Variants in KHDRBS2 observed in about 807,000 individuals in gnomAD.
KHDRBS2 encodes the protein KH RNA binding domain containing, signal transduction associated 2, also known as KH domain-containing, RNA-binding, signal transduction-associated protein 2.
Under a neutral mutation model 44.3 loss-of-function variants are expected in KHDRBS2, and 26 were observed. That is an observed-to-expected ratio of 0.59 (90% confidence interval 0.43 to 0.81). The LOEUF is 0.81. KHDRBS2 is among the 40% of genes least tolerant of loss of function. KHDRBS2 has a pLI of 0.00. For synonymous variants in KHDRBS2, 194 were observed against 151.1 expected, an observed-to-expected ratio of 1.28 and a Z score of -2.08; for missense variants, 476 against 433.1, an observed-to-expected ratio of 1.10 and a Z score of -0.88.
At chr6:61,631,134 T>A in the KHDRBS2 span, among the ~76,000 whole-genome samples, 1 of 151,924 alleles carries the variant, frequency 6.6e-6, no homozygotes, top group Non-Finnish European at 1.5e-5. Flanking sequence ...GTTTTTGGCA[T>A]CAGGATCAGC....
the KHDRBS2 span, among the ~76,000 whole-genome samples, chr6:61,583,196 A>G: frequency 6.6e-6 from 1 of 151,814 alleles, no homozygotes; most frequent in South Asian, 2.1e-4. Context: ...CCACTGGTTA[A>G]TTTTACTTAT....
intron 2 of KHDRBS2, among the ~76,000 whole-genome samples, chr6:62,057,363 A>T (rs1416233032): frequency 6.6e-6 from 1 of 152,086 alleles, no homozygotes; most frequent in East Asian, 1.9e-4. Flanking sequence ...AGAAAAAAAA[A>T]GTAATCACTA....
chr6:62,266,356 T>A (rs1839198935), intron 1 of KHDRBS2, among the ~76,000 whole-genome samples: 1 of 151,996 alleles, frequency 6.6e-6, no homozygotes, highest in Non-Finnish European at 1.5e-5. Context: ...TGCCCCTACA[T>A]GACAAGCATG....
At chr6:61,590,116 T>A in the KHDRBS2 span, among the ~76,000 whole-genome samples, 1 of 152,142 alleles carries the variant, frequency 6.6e-6, no homozygotes, top group Non-Finnish European at 1.5e-5. Flanking sequence ...TTAATATGTG[T>A]TTTTGCCCAT....
chr6:62,174,511 AT>A (rs955222609), intron 2 of KHDRBS2, among the ~76,000 whole-genome samples: 1 of 151,782 alleles, frequency 6.6e-6, no homozygotes, highest in Non-Finnish European at 1.5e-5. Context: ...CTTAAAGAGC[AT>A]TTTTATAATT....
At chr6:61,690,464 T>A (rs1366253675) in intron 8 of KHDRBS2, among the ~76,000 whole-genome samples, 5 of 151,976 alleles carry the variant, frequency 3.3e-5, no homozygotes, top group African/African-American at 1.2e-4. Context: ...AAAAAACACC[T>A]TTCCTATGGC....
intron 2 of KHDRBS2, among the ~76,000 whole-genome samples, chr6:62,108,420 T>C (rs1455265370): frequency 3.3e-5 from 5 of 152,158 alleles, no homozygotes; most frequent in Non-Finnish European, 7.4e-5. Flanking sequence ...CCAGTTAGAA[T>C]GGCGATCATT....
intron 3 of KHDRBS2, among the ~76,000 whole-genome samples, chr6:62,023,163 T>A (rs1415071124): frequency 6.6e-6 from 1 of 151,754 alleles, no homozygotes; most frequent in Non-Finnish European, 1.5e-5. Flanking sequence ...TCTAAAATTA[T>A]ATACTAATCC....
At chr6:62,202,351 A>T (rs1827170155) in intron 1 of KHDRBS2, among the ~76,000 whole-genome samples, 1 of 152,056 alleles carries the variant, frequency 6.6e-6, no homozygotes, top group African/African-American at 2.4e-5. Flanking sequence ...AACATCCTTA[A>T]TCTCAAAAGT....
At chr6:61,578,633 C>T in the KHDRBS2 span, among the ~76,000 whole-genome samples, 1 of 152,058 alleles carries the variant, frequency 6.6e-6, no homozygotes, top group Non-Finnish European at 1.5e-5. Flanking sequence ...AGAAGTGGGC[C>T]TGCCCCATTG....
At chr6:61,816,644 G>A (rs1275272927) in intron 6 of KHDRBS2, 2 of 450,048 alleles carry the variant, frequency 4.4e-6, no homozygotes, top group African/African-American at 4.0e-5. Context: ...ACAATGCTAT[G>A]AAACAAATAC....
the KHDRBS2 span, among the ~76,000 whole-genome samples, chr6:61,568,220 C>T: frequency 6.6e-6 from 1 of 152,078 alleles, no homozygotes; most frequent in African/African-American, 2.4e-5. Flanking sequence ...TATGCCAGTA[C>T]TTTGTTGTTT....
intron 2 of KHDRBS2, among the ~76,000 whole-genome samples, chr6:62,072,218 T>G (rs1795293720): frequency 6.6e-6 from 1 of 152,212 alleles, no homozygotes; most frequent in Non-Finnish European, 1.5e-5. Flanking sequence ...CTGAATTTGC[T>G]TATCAGCTTA....
the KHDRBS2 span, among the ~76,000 whole-genome samples, chr6:61,593,150 A>G: frequency 6.6e-6 from 1 of 152,198 alleles, no homozygotes; most frequent in Non-Finnish European, 1.5e-5. Flanking sequence ...TTGTAATTTC[A>G]GTCAAGTGTT....
rs539013198 is a variant in KHDRBS2, at chr6:61,779,887, G to C, written c.811-47123C>G. 7.9e-5 allele frequency among the ~76,000 whole-genome samples: 12 copies of C among 152,046 alleles called. No individual in the cohort carries two copies. In the South Asian group the frequency reaches 2.5e-3, roughly 32 times the overall value. ...CTGGCAATCAAATTCAAGTCTGTCTGACTCTGAAGCTTAGCATTCATGGAT... is the reference window on the plus strand; with the variant it reads ...CTGGCAATCAAATTCAAGTCTGTCTCACTCTGAAGCTTAGCATTCATGGAT... On this transcript the variant is annotated intron_variant, in intron 6 of 8. Coordinates refer to ENST00000281156, the MANE Select transcript of KHDRBS2 (RefSeq NM_152688.4).
intron 6 of KHDRBS2, among the ~76,000 whole-genome samples, chr6:61,782,627 G>A (rs182555470): frequency 6.2e-4 from 90 of 145,950 alleles, no homozygotes; most frequent in African/African-American, 1.5e-3. Flanking sequence ...AGCAAAGACC[G>A]TAAAATTTTA....
chr6:61,662,068 G>A, the KHDRBS2 span, among the ~76,000 whole-genome samples: 1 of 152,050 alleles, frequency 6.6e-6, no homozygotes. Context: ...AAATGGAACA[G>A]AACAGAGCCC....
intron 3 of KHDRBS2, among the ~76,000 whole-genome samples, chr6:62,029,300 TGCTTGA>T (rs1392790843): frequency 7.9e-5 from 12 of 151,926 alleles, no homozygotes; most frequent in Non-Finnish European, 1.3e-4. Flanking sequence ...GGACATGTAC[TGCTTGA>T]CATTTGGATG....
chr6:62,085,119 C>T (rs1335268245), intron 2 of KHDRBS2, among the ~76,000 whole-genome samples: 1 of 152,086 alleles, frequency 6.6e-6, no homozygotes, highest in Non-Finnish European at 1.5e-5. Context: ...TTAGCACCTA[C>T]TCATTCTGAT....
Sources: allele counts gnomAD v4.1 joint callset (sites outside exome capture counted in the v4.1 genomes callset), GRCh38; gene constraint gnomAD v4.1.1; transcripts MANE v1.5; gene names NCBI Gene and HGNC (gene_info 2026-07-23, HGNC 2026-07-21).